The following ZNF774 variants were observed in gnomAD, a reference collection of about 807,000 sequenced individuals.
ZNF774 encodes zinc finger protein 774.
A neutral mutation model predicts 11.1 loss-of-function variants in ZNF774; 14 were observed. The ratio of observed to expected loss-of-function variants is 1.26; its 90% confidence interval spans 0.83 to 1.97. ZNF774 has a LOEUF of 1.97. Among genes scored for constraint, ZNF774 ranks in the 30% most tolerant of loss-of-function variants. The pLI, the probability that ZNF774 is intolerant of heterozygous loss-of-function variation, is 0.00. For missense variants in ZNF774, 599 were observed against 587.0 expected (o/e 1.02, Z -0.21); for synonymous variants, 195 against 212.6 (o/e 0.92, Z 0.72).
Position 90,360,316 on chromosome 15 carries a change from A to G in ZNF774, c.485A>G (p.Gln162Arg). 6.2e-7 allele frequency: 1 copy of G among 1,614,238 alleles called. No homozygotes were observed. ...MCAECGKSFNQSSYLIRHLRT... is the reference protein window; with the variant it reads ...MCAECGKSFNRSSYLIRHLRT... ...GCAGAATGCGGGAAAAGCTTTAACCAGAGTTCCTATCTCATAAGACACCTA... is the reference window on the plus strand; with the variant it reads ...GCAGAATGCGGGAAAAGCTTTAACCGGAGTTCCTATCTCATAAGACACCTA... Residue 162 changes from glutamine to arginine, a missense_variant, in exon 4 of 4, where the codon CAG (glutamine) becomes CGG (arginine). Transcript: ENST00000354377.
chr15:90,354,078 A>T (rs201199869), intron 1 of ZNF774, among the ~76,000 whole-genome samples: 18 of 151,138 alleles, frequency 1.2e-4, no homozygotes, highest in African/African-American at 2.7e-4. Flanking sequence ...TTTTTTTTAA[A>T]AAAAAAATGT....
At chr15:90,358,216 G>C (rs949045115) in intron 2 of ZNF774, among the ~76,000 whole-genome samples, 2 of 152,134 alleles carry the variant, frequency 1.3e-5, no homozygotes, top group African/African-American at 2.4e-5. Flanking sequence ...TGAAGACATT[G>C]AGACACAGAG....
At chr15:90,359,816 A>G (rs554510774) in intron 3 of ZNF774, among the ~76,000 whole-genome samples, 1 of 152,038 alleles carries the variant, frequency 6.6e-6, no homozygotes, top group South Asian at 2.1e-4. Context: ...CTCCGCTTGA[A>G]GGATATCAAG....
intron 1 of ZNF774, among the ~76,000 whole-genome samples, chr15:90,353,811 C>T (rs1485636370): frequency 6.6e-6 from 1 of 151,884 alleles, no homozygotes; most frequent in African/African-American, 2.4e-5. Context: ...GTTGCTGAGG[C>T]TGGTTTATTG....
At chr15:90,356,350 G>A (rs908155663) in intron 2 of ZNF774, among the ~76,000 whole-genome samples, 6 of 151,804 alleles carry the variant, frequency 4.0e-5, no homozygotes, top group African/African-American at 1.5e-4. Flanking sequence ...TTATAGGAGT[G>A]GGCCCAGCTC....
chr15:90,354,833 C>A, intron 2 of ZNF774, 69 bp downstream of exon 2: 1 of 1,330,914 alleles, frequency 7.5e-7, no homozygotes, highest in South Asian at 1.3e-5. Flanking sequence ...CTCGCTCTGT[C>A]ATCCAGGCTG....
At position 90,361,113 on chromosome 15, in the gene ZNF774, G is replaced by T. The variant is rs746406723; in HGVS notation, c.1282G>T (p.Asp428Tyr). 5.0e-6 allele frequency: 8 copies of T among 1,614,234 alleles called. No homozygotes were observed. The highest frequency in any genetic ancestry group is 5.1e-6 in the Non-Finnish European group (6 of 1,180,042). Residue 428 changes from aspartate (D) to tyrosine (Y), a missense_variant, in exon 4 of 4, where the codon GAC (aspartate) becomes TAC (tyrosine). By Grantham distance (160) the Asp-to-Tyr change is radical (BLOSUM62 -3). Transcript: ENST00000354377. ...FITHQRIHLG[D>Y]RPYRCPECGK... Reference sequence around the variant, plus strand: ...TACCCATCAGCGAATCCACTTAGGAGACAGGCCCTATCGATGTCCTGAGTG... The same window carrying T: ...TACCCATCAGCGAATCCACTTAGGATACAGGCCCTATCGATGTCCTGAGTG...
chr15:90,359,096 C>T (rs1226344758), intron 3 of ZNF774, 139 bp downstream of exon 3: 12 of 535,716 alleles, frequency 2.2e-5, no homozygotes, highest in East Asian at 8.2e-5. Context: ...GACGGAGTCT[C>T]GCTCTGTCGC....
In ZNF774 at chr15:90,362,472, A is replaced by G; in HGVS notation, c.*1189A>G. 1 of 1,372,568 alleles carries G rather than the reference A, an allele frequency of 7.3e-7. No individual in the cohort carries two copies. The highest frequency in any genetic ancestry group is 1.0e-6 in the Non-Finnish European group (1 of 999,230). 85.0% of individuals were successfully genotyped at this position (1,372,568 alleles called of 1,614,324 possible). A position where few individuals can be genotyped will look rare whatever the true frequency, so the allele number is the denominator to read the frequency against. On this transcript the variant is annotated 3_prime_UTR_variant, in exon 4 of 4. Transcript: ENST00000354377. ...TCCCTGGCATTTAGCTGAAGGAAGC[A>G]ACTCTTGTTTTCTAATTTGCTGGGT...
chr15:90,356,221 C>T (rs1429413250), intron 2 of ZNF774, among the ~76,000 whole-genome samples: 3 of 150,246 alleles, frequency 2.0e-5, no homozygotes, highest in Admixed American at 6.6e-5. Flanking sequence ...TAGGTTCAAG[C>T]GATTCCTGGA....
Position 90,361,041 on chromosome 15 carries a change from A to C in ZNF774, c.1210A>C (p.Lys404Gln), listed in dbSNP as rs1303391849. ...QRIHTGERPY[K>Q]CGECGKSFNQ... ...AATCCACACCGGAGAAAGACCCTAC[A>C]AATGTGGAGAGTGTGGGAAGAGCTT... The change falls in exon 4 of 4, where the codon AAA becomes CAA. Residue 404 changes from lysine to glutamine, a missense_variant. Physicochemically the swap from Lys to Gln is moderately conservative, Grantham distance 53. Transcript: ENST00000354377. 1.2e-6 allele frequency: 2 copies of C among 1,614,178 alleles called. No homozygotes were observed. Among genetic ancestry groups the C allele is most frequent in the Non-Finnish European group, 1.7e-6 (2 of 1,180,026 alleles).
chr15:90,355,486 A>T (rs1346403329), intron 2 of ZNF774: 1 of 455,412 alleles, frequency 2.2e-6, no homozygotes, highest in East Asian at 6.9e-5. Context: ...GCACTTTGGT[A>T]GGCTGAGGTG....
intron 2 of ZNF774, among the ~76,000 whole-genome samples, chr15:90,356,121 TTC>T (rs1964245732): frequency 8.0e-6 from 1 of 124,394 alleles, no homozygotes; most frequent in South Asian, 3.0e-4. Context: ...ACTTCTTTCT[TTC>T]TTTTTTTTTT....
intron 2 of ZNF774, among the ~76,000 whole-genome samples, chr15:90,357,862 C>T (rs1207335035): frequency 6.6e-6 from 1 of 151,506 alleles, no homozygotes; most frequent in Non-Finnish European, 1.5e-5. Flanking sequence ...GTGTGAGCTA[C>T]TGCACCTGGC....
intron 2 of ZNF774, among the ~76,000 whole-genome samples, chr15:90,357,272 T>C (rs1964261649): frequency 6.6e-6 from 1 of 152,166 alleles, no homozygotes; most frequent in African/African-American, 2.4e-5. Context: ...TTTGGGAGGC[T>C]GAGGCAGGAG....
In ZNF774 at chr15:90,362,355, C is replaced by T. The variant is rs1964348266; in HGVS notation, c.*1072C>T. ...CTGTCATCTGACACAGAGAAAATAT[C>T]CTACAATGAACAAGCCAGAGGGACC... On this transcript the variant is annotated 3_prime_UTR_variant, in exon 4 of 4. Transcript: ENST00000354377. 1.8e-6 allele frequency: 1 copy of T among 569,036 alleles called. No individual in the cohort carries two copies. Among genetic ancestry groups the T allele is most frequent in the African/African-American group, 1.9e-5 (1 of 53,380 alleles). 35.2% of individuals were successfully genotyped at this position (569,036 alleles called of 1,614,324 possible). A position where few individuals can be genotyped will look rare whatever the true frequency, so the allele number is the denominator to read the frequency against.
rs1964185255 is a variant in ZNF774, at chr15:90,352,389, A to C, written c.-42A>C. 6.6e-6 allele frequency: 1 copy of C among 152,394 alleles called. No homozygotes were observed. Among genetic ancestry groups the C allele is most frequent in the African/African-American group, 2.4e-5 (1 of 41,414 alleles). The allele number at this position is 152,394 out of a possible 1,614,324, so 9.4% of individuals were successfully genotyped here. On this transcript the variant is annotated 5_prime_UTR_variant, in exon 1 of 4. Coordinates refer to ENST00000354377, the MANE Select transcript of ZNF774 (RefSeq NM_001004309.3). ...CGGTGGAGGACTCACTTCCTGCTCC[A>C]TCCCCGGCTGGGCCCTGGGGCGGTG...
chr15:90,355,914 A>C (rs1436470403), intron 2 of ZNF774, among the ~76,000 whole-genome samples: 1 of 149,434 alleles, frequency 6.7e-6, no homozygotes. Context: ...CTGTAGTCCC[A>C]GCTACTCGGG....
rs1303820454 is a variant in ZNF774 at position 90,361,450 on chromosome 15, A to G, written c.*167A>G. The G allele has an allele frequency of 1.4e-6, 2 of 1,417,682 alleles. No homozygotes were observed. Among genetic ancestry groups the G allele is most frequent in the African/African-American group, 1.4e-5 (1 of 69,816 alleles). 87.8% of individuals were successfully genotyped at this position (1,417,682 alleles called of 1,614,324 possible). A position where few individuals can be genotyped will look rare whatever the true frequency, so the allele number is the denominator to read the frequency against. On this transcript the variant is annotated 3_prime_UTR_variant, in exon 4 of 4. Coordinates refer to ENST00000354377, the MANE Select transcript of ZNF774 (RefSeq NM_001004309.3). ...CAGAGAGGATAAACTTAAAGGGTCC[A>G]AATAACGGTCCGAATACAAAAGGCA...
Sources: gnomAD v4.1 joint callset for allele counts (sites outside exome capture counted in the v4.1 genomes callset) on GRCh38, gnomAD v4.1.1 for gene constraint, MANE v1.5 for transcripts, NCBI Gene and HGNC (gene_info 2026-07-23, HGNC 2026-07-21) for gene names.